The following ITFG2 variants were observed in gnomAD, a reference collection of about 807,000 sequenced individuals.
The protein encoded by ITFG2 is KICSTOR complex protein ITFG2.
ITFG2 carries 36 observed loss-of-function variants against 54.4 expected under a neutral mutation model. That is an observed-to-expected ratio of 0.66 (90% CI 0.51 to 0.87). ITFG2 has a LOEUF of 0.87. Ranked by LOEUF, ITFG2 falls within the 40% of genes least tolerant of loss-of-function variation. The pLI is 0.00. For synonymous variants in ITFG2, 211 were observed against 225.4 expected (o/e 0.94, Z 0.57); for missense variants, 524 against 576.7 (o/e 0.91, Z 0.94).
chr12:2,823,114 G>T (rs781297491), intron 10 of ITFG2, among the ~76,000 whole-genome samples: 1 of 152,106 alleles, frequency 6.6e-6, no homozygotes, highest in Non-Finnish European at 1.5e-5. Context: ...GAGTTCTTCA[G>T]CTCTTTTGTT....
At position 2,822,840 on chromosome 12, in the gene ITFG2, CAT is replaced by C; in HGVS notation, c.1000_1001del (p.Ile334HisfsTer2). ...GTTGCATGCGCCTGGGATGGACAGA[CAT>C]ATATCATTGATCACAACCGCACCGT... On this transcript the variant is annotated frameshift_variant, in exon 10 of 12. Coordinates refer to ENST00000228799, the MANE Select transcript of ITFG2 (RefSeq NM_018463.4). LOFTEE classifies it high-confidence loss of function. 1.9e-6 allele frequency: 3 copies of C among 1,614,174 alleles called. No individual in the cohort carries two copies. The highest frequency in any genetic ancestry group is 1.7e-6 in the Non-Finnish European group (2 of 1,180,032).
At chr12:2,844,860 C>G (rs1303598188) in intron 2 of ITFG2, among the ~76,000 whole-genome samples, 1 of 152,146 alleles carries the variant, frequency 6.6e-6, no homozygotes, top group African/African-American at 2.4e-5. Flanking sequence ...ACCCAGTAAA[C>G]ATAAGTGTGG....
intron 1 of ITFG2, among the ~76,000 whole-genome samples, chr12:2,813,956 T>G (rs1335771577): frequency 6.6e-6 from 1 of 152,198 alleles, no homozygotes; most frequent in Non-Finnish European, 1.5e-5. Context: ...TTTTTTGTTT[T>G]TTATAGAGAC....
chr12:2,848,307 C>T (rs752648339), intron 2 of ITFG2, among the ~76,000 whole-genome samples: 4 of 152,134 alleles, frequency 2.6e-5, no homozygotes, highest in Non-Finnish European at 5.9e-5. Context: ...ATTTCAGCTT[C>T]TTCCCCTCCA....
At chr12:2,837,320 A>C (rs1393124495) in intron 1 of ITFG2, among the ~76,000 whole-genome samples, 1 of 151,826 alleles carries the variant, frequency 6.6e-6, no homozygotes. Flanking sequence ...TACTAAAAAT[A>C]CAAAAAAATT....
chr12:2,813,960 TAG>T (rs1446657166), intron 1 of ITFG2, among the ~76,000 whole-genome samples: 1 of 152,200 alleles, frequency 6.6e-6, no homozygotes, highest in Non-Finnish European at 1.5e-5. Context: ...TTGTTTTTTA[TAG>T]AGACAGGGTC....
chr12:2,828,092 G>C (rs369001601), downstream of ITFG2: 7 of 1,538,466 alleles, frequency 4.5e-6, no homozygotes, highest in Non-Finnish European at 6.2e-6. Flanking sequence ...GCCCCTAGAG[G>C]GTTCCACCCC....
At chr12:2,859,144 C>T (rs1464991002) in intron 3 of ITFG2, 2 of 1,606,120 alleles carry the variant, frequency 1.2e-6, no homozygotes, top group East Asian at 2.2e-5. Flanking sequence ...TTAAAAGGTC[C>T]TCCCACTTCC....
chr12:2,830,883 A>G (rs762581764), exon 3 of ITFG2: 1 of 1,608,112 alleles, frequency 6.2e-7, no homozygotes, highest in Non-Finnish European at 8.5e-7. Context: ...CAAAACAATG[A>G]AGGTAGGCAG....
At chr12:2,854,928 C>T in intron 2 of ITFG2, 1 of 1,535,728 alleles carries the variant, frequency 6.5e-7, no homozygotes. Flanking sequence ...GGATGTTGCC[C>T]TGGGCATCGA....
chr12:2,821,513 C>A (rs756642741), intron 7 of ITFG2, 30 bp from the exon 8 acceptor site: 1 of 1,613,390 alleles, frequency 6.2e-7, no homozygotes, highest in Middle Eastern at 1.7e-4. Flanking sequence ...TTGCCCTGCC[C>A]TTTACATATT....
intron 3 of ITFG2, chr12:2,858,877 T>C: frequency 6.2e-7 from 1 of 1,613,350 alleles, no homozygotes; most frequent in Non-Finnish European, 8.5e-7. Flanking sequence ...GGGACGGAGA[T>C]GAGGTCTAAG....
At chr12:2,855,245 T>C in intron 2 of ITFG2, 3 of 1,508,142 alleles carry the variant, frequency 2.0e-6, no homozygotes, top group Non-Finnish European at 2.7e-6. Flanking sequence ...AAGCCCCAGG[T>C]GTGCTGGGCG....
chr12:2,826,563 C>CAA (rs3056874), downstream of ITFG2: 37,523 of 152,444 alleles, frequency 0.25, 5,170 homozygotes, highest in East Asian at 0.47. Context: ...GGTAATCAAA[C>CAA]TAACTGGCTT....
intron 4 of ITFG2, among the ~76,000 whole-genome samples, chr12:2,818,980 T>A (rs1367491458): frequency 6.6e-6 from 1 of 151,628 alleles, no homozygotes; most frequent in Non-Finnish European, 1.5e-5. Context: ...ATCATGCCAC[T>A]GCACTCTAGC....
At chr12:2,817,631 C>G (rs2097925880) in intron 2 of ITFG2, 2 of 524,908 alleles carry the variant, frequency 3.8e-6, no homozygotes, top group Non-Finnish European at 6.7e-6. Flanking sequence ...TTGAGTAAGT[C>G]TAGAAATGTG....
At chr12:2,854,968 T>C in intron 2 of ITFG2, 5 of 1,536,222 alleles carry the variant, frequency 3.3e-6, no homozygotes, top group Non-Finnish European at 4.4e-6. Flanking sequence ...ACTCCTCAAC[T>C]TGAGCTTCTC....
At chr12:2,827,205 A>G (rs1392283323), downstream of ITFG2, 2 of 1,613,996 alleles carry the variant, frequency 1.2e-6, no homozygotes, top group Non-Finnish European at 1.7e-6. The surrounding 1 kb of genome is among the most constrained non-coding windows in gnomAD (Gnocchi z 4.0). Flanking sequence ...CTGAGACAGC[A>G]GTCACTGGCC....
At chr12:2,817,377 A>G (rs2286604) in intron 2 of ITFG2, 59 bp downstream of exon 2, 265,600 of 1,217,730 alleles carry the variant, frequency 0.22, 36,192 homozygotes, top group East Asian at 0.5. Flanking sequence ...TCCAGGGACC[A>G]CCTAGGGTGA....
Sources: allele counts gnomAD v4.1 joint callset (sites outside exome capture counted in the v4.1 genomes callset), GRCh38; gene constraint gnomAD v4.1.1; non-coding constraint Gnocchi (gnomAD v3.1); transcripts MANE v1.5; gene names NCBI Gene and HGNC (gene_info 2026-07-23, HGNC 2026-07-21).